AKT1: variants seen among roughly 807,000 people sequenced by gnomAD.
AKT1 encodes RAC-alpha serine/threonine-protein kinase.
A neutral mutation model predicts 63.1 loss-of-function variants in AKT1; 21 were observed. The observed-to-expected ratio is 0.33, with a 90% CI of 0.24 to 0.48. AKT1 has a LOEUF of 0.48. Ranked by LOEUF, AKT1 falls within the 20% of genes least tolerant of loss-of-function variation. The pLI, the probability that AKT1 is intolerant of heterozygous loss-of-function variation, is 0.99. For synonymous variants in AKT1, 257 were observed against 253.1 expected (o/e 1.02, Z -0.15); for missense variants, 382 against 666.0 (o/e 0.57, Z 4.69).
At chr14:104,793,361 G>C (rs1893722897) in intron 1 of AKT1, 57 bp from the exon 2 acceptor site, 1 of 205,390 alleles carries the variant, frequency 4.9e-6, no homozygotes, top group Admixed American at 6.0e-5. Flanking sequence ...GCAGGCCACT[G>C]GCGCAAACGG....
At chr14:104,776,561 T>G in intron 5 of AKT1, 98 bp downstream of exon 5, 1 of 1,038,670 alleles carries the variant, frequency 9.6e-7, no homozygotes, top group Non-Finnish European at 1.4e-6. Context: ...GGAGTGAGGA[T>G]GGCTACAGGC....
At chr14:104,794,789 C>A (rs1048085840) in intron 1 of AKT1, among the ~76,000 whole-genome samples, 1 of 152,224 alleles carries the variant, frequency 6.6e-6, no homozygotes, top group Non-Finnish European at 1.5e-5. Flanking sequence ...CCCAAGCTCA[C>A]CCGCTGACCA....
chr14:104,785,090 G>A (rs1050221294), intron 3 of AKT1, among the ~76,000 whole-genome samples: 1 of 152,194 alleles, frequency 6.6e-6, no homozygotes, highest in Non-Finnish European at 1.5e-5. Context: ...AGCGGCCACC[G>A]TGGTCCCCAC....
chr14:104,776,973 C>G (rs1271567736), intron 4 of AKT1: 1 of 544,546 alleles, frequency 1.8e-6, no homozygotes, highest in East Asian at 3.1e-5. Flanking sequence ...ACACTCTACT[C>G]CAGGCTGAGG....
intron 12 of AKT1, 78 bp downstream of exon 12, chr14:104,772,800 C>T (rs1444679057): frequency 1.9e-5 from 28 of 1,443,272 alleles, no homozygotes; most frequent in South Asian, 5.2e-5. Flanking sequence ...GTGCCAGGAC[C>T]GCCTGGCGCA....
intron 3 of AKT1, among the ~76,000 whole-genome samples, chr14:104,784,490 G>A (rs1055960389): frequency 4.6e-5 from 7 of 152,280 alleles, no homozygotes; most frequent in African/African-American, 7.2e-5. Flanking sequence ...CTGGCATCCC[G>A]ATGTCCCGGG....
intron 3 of AKT1, among the ~76,000 whole-genome samples, chr14:104,790,530 G>C (rs1021071882): frequency 6.6e-6 from 1 of 152,236 alleles, no homozygotes; most frequent in African/African-American, 2.4e-5. Context: ...AGGGACGGGA[G>C]TGGCGAAATG....
intron 8 of AKT1, 137 bp downstream of exon 8, chr14:104,774,801 C>G (rs1433350134): frequency 2.1e-6 from 2 of 961,982 alleles, no homozygotes; most frequent in Non-Finnish European, 3.0e-6. Flanking sequence ...CCAGGGCAGG[C>G]CTGTCTCACC....
At chr14:104,775,823 C>A in intron 5 of AKT1, 24 bp from the exon 6 acceptor site, 1 of 1,610,900 alleles carries the variant, frequency 6.2e-7, no homozygotes. Context: ...GGTGAGGCTG[C>A]AGGCCTGTAC....
rs777639707 is a variant in AKT1, at chr14:104,775,721, C to T, written c.366G>A (p.Ser122=). Residue 122 remains serine (S), a synonymous_variant, in exon 6 of 15, where the codon TCG becomes TCA. Coordinates refer to ENST00000649815, the MANE Select transcript of AKT1 (RefSeq NM_001382430.1). Reference sequence around the variant, plus strand: ...CCCCTGAGTTGTCACTGGGTGAGCCCGACCGGAAGTCCATCTCCTCCTCCT... The same window carrying T: ...CCCCTGAGTTGTCACTGGGTGAGCCTGACCGGAAGTCCATCTCCTCCTCCT... ...KQEEEEMDFR[S]GSPSDNSGAE... 5.6e-6 allele frequency: 9 copies of T among 1,613,936 alleles called. No homozygotes were observed. Among genetic ancestry groups the T allele is most frequent in the African/African-American group, 5.3e-5 (4 of 74,908 alleles).
At chr14:104,776,123 C>T (rs568435500) in intron 5 of AKT1, 16 of 291,952 alleles carry the variant, frequency 5.5e-5, no homozygotes, top group Non-Finnish European at 1.0e-4. Flanking sequence ...GGACTCCGCC[C>T]CCCAAGGAGG....
At chr14:104,774,228 G>C in intron 8 of AKT1, 1 of 551,836 alleles carries the variant, frequency 1.8e-6, no homozygotes, top group East Asian at 3.1e-5. Context: ...ATGCCACGCT[G>C]CCCCACACCA....
Position 104,773,213 on chromosome 14 carries a change from G to A in AKT1, c.957+38C>T, listed in dbSNP as rs1285229684. On this transcript the variant is annotated intron_variant, in intron 11 of 14. Transcript: ENST00000649815. The stretch of plus-strand genomic sequence containing the variant: ...GCATTGCGTGTGCTCAGGACGTGGG[G>A]ACGCAGCAACGCGTATGCACGCAGG... 3 of 1,613,642 alleles carry A rather than the reference G, an allele frequency of 1.9e-6. No individual in the cohort carries two copies. The Admixed American group carries it at 5.0e-5, about 27-fold the overall frequency.
At chr14:104,772,636 G>A (rs557938387) in intron 12 of AKT1, among the ~76,000 whole-genome samples, 184 bp from the exon 13 acceptor site, 1 of 152,334 alleles carries the variant, frequency 6.6e-6, no homozygotes, top group South Asian at 2.1e-4. Flanking sequence ...TCACGGCAGG[G>A]CAGGGGCTTC....
intron 13 of AKT1, 68 bp from the exon 14 acceptor site, chr14:104,770,915 C>A: frequency 7.0e-7 from 1 of 1,434,712 alleles, no homozygotes; most frequent in South Asian, 1.2e-5. Flanking sequence ...CTCAAGTGTG[C>A]TCAAGACCTT....
chr14:104,790,692 G>C (rs1385305783), intron 3 of AKT1, among the ~76,000 whole-genome samples: 1 of 152,208 alleles, frequency 6.6e-6, no homozygotes, highest in African/African-American at 2.4e-5. Context: ...ACTACACTGG[G>C]GATGGAGGAG....
chr14:104,772,904 C>T lies in AKT1; in HGVS notation c.1146G>A (p.Gly382=), dbSNP rs755174756. 1.2e-6 allele frequency: 2 copies of T among 1,612,576 alleles called. No homozygotes were observed. The highest frequency in any genetic ancestry group is 4.5e-5 in the East Asian group (2 of 44,844). Residue 382 remains glycine, a synonymous_variant, in exon 12 of 15, where the codon GGG becomes GGA. Coordinates refer to ENST00000649815, the MANE Select transcript of AKT1 (RefSeq NM_001382430.1). ...TCTGCTTGGGGTCCTTCTTGAGCAG[C>T]CCTGAAAGCAAGGACTTGGCCTCGG... is the stretch of plus-strand genomic sequence containing the variant. The part of the protein sequence containing the change: ...LGPEAKSLLS[G]LLKKDPKQRL...
intron 3 of AKT1, among the ~76,000 whole-genome samples, chr14:104,790,230 T>G (rs1377072352): frequency 6.6e-6 from 1 of 151,818 alleles, no homozygotes; most frequent in Non-Finnish European, 1.5e-5. Flanking sequence ...AGGGGACAGG[T>G]GCGGGCCAGC....
chr14:104,784,296 C>T (rs1031984845), intron 3 of AKT1, among the ~76,000 whole-genome samples: 1 of 152,178 alleles, frequency 6.6e-6, no homozygotes, highest in African/African-American at 2.4e-5. Context: ...TGATGAAACC[C>T]GTAACCCTCC....
Sources: allele counts gnomAD v4.1 joint callset (sites outside exome capture counted in the v4.1 genomes callset), GRCh38; gene constraint gnomAD v4.1.1; transcripts MANE v1.5; gene names NCBI Gene and HGNC (gene_info 2026-07-23, HGNC 2026-07-21).